GPSM2: variants seen among roughly 807,000 people sequenced by gnomAD.
GPSM2 encodes G protein signaling modulator 2, also known as G protein-signaling modulator 2.
A neutral mutation model predicts 78.4 loss-of-function variants in GPSM2; 58 were observed. The observed-to-expected ratio is 0.74, with a 90% CI of 0.60 to 0.92. The LOEUF (loss-of-function observed/expected upper bound fraction) is 0.92. Ranked by LOEUF, GPSM2 falls within the 40% of genes least tolerant of loss-of-function variation. The pLI is 0.00. For missense variants in GPSM2, 700 were observed against 815.5 expected (o/e 0.86, Z 1.73); for synonymous variants, 224 against 280.2 (o/e 0.80, Z 2.00).
At chr1:108,915,938 G>A (rs1650186044) in intron 11 of GPSM2, among the ~76,000 whole-genome samples, 3 of 151,746 alleles carry the variant, frequency 2.0e-5, no homozygotes, top group African/African-American at 7.3e-5. Flanking sequence ...AATATGTGGT[G>A]ATCTATCAAG....
At chr1:108,895,652 C>T (rs1253958944) in intron 2 of GPSM2, among the ~76,000 whole-genome samples, 1 of 152,138 alleles carries the variant, frequency 6.6e-6, no homozygotes, top group African/African-American at 2.4e-5. Flanking sequence ...TGATCTGTCA[C>T]TGTCTCCAGT....
At chr1:108,893,634 T>C (rs1401696093) in intron 2 of GPSM2, among the ~76,000 whole-genome samples, 1 of 152,240 alleles carries the variant, frequency 6.6e-6, no homozygotes, top group Non-Finnish European at 1.5e-5. Context: ...AAAAGAATTA[T>C]TTTACAAATA....
At chr1:108,913,354 A>C (rs538574782) in intron 10 of GPSM2, among the ~76,000 whole-genome samples, 2 of 152,260 alleles carry the variant, frequency 1.3e-5, no homozygotes, top group East Asian at 3.9e-4. Flanking sequence ...TTCCTAGTCC[A>C]CTCTACAGTC....
intron 10 of GPSM2, among the ~76,000 whole-genome samples, 155 bp downstream of exon 10, chr1:108,904,409 A>G (rs1570914841): frequency 6.7e-6 from 1 of 148,822 alleles, no homozygotes; most frequent in Non-Finnish European, 1.5e-5. Flanking sequence ...TTGTAAATAT[A>G]TATTACAATT....
intron 5 of GPSM2, 147 bp from the exon 6 acceptor site, chr1:108,898,495 C>T (rs899824047): frequency 1.5e-6 from 1 of 685,762 alleles, no homozygotes; most frequent in Non-Finnish European, 2.5e-6. Flanking sequence ...AATTGCTCTT[C>T]ATCATAGATG....
intron 2 of GPSM2, among the ~76,000 whole-genome samples, chr1:108,891,490 G>A (rs1007675926): frequency 6.6e-6 from 1 of 151,790 alleles, no homozygotes; most frequent in Non-Finnish European, 1.5e-5. Context: ...ATCTTAGAAG[G>A]TTATTTTTAT....
chr1:108,882,641 T>C (rs1647214705), intron 1 of GPSM2: 1 of 152,202 alleles, frequency 6.6e-6, no homozygotes, highest in Admixed American at 6.5e-5. Context: ...TTAATTCTAA[T>C]ACCTCTCTTT....
chr1:108,898,050 A>C lies in GPSM2; in HGVS notation c.506A>C (p.Glu169Ala). Reference sequence around the variant, plus strand: ...TGCCCTGGTCCCCAGGATGTAGGAGAATTTCCAGAAGAAGTGAGAGATGCT... The same window carrying C: ...TGCCCTGGTCCCCAGGATGTAGGAGCATTTCCAGAAGAAGTGAGAGATGCT... The part of the protein sequence containing the change: ...FGCPGPQDVG[E>A]FPEEVRDALQ... Residue 169 changes from glutamate to alanine, a missense_variant, in exon 5 of 15, where the codon GAA (glutamate) becomes GCA (alanine). By Grantham distance (107) the Glu-to-Ala change is moderately radical. Transcript: ENST00000264126. 1 of 1,614,110 alleles carries C rather than the reference A, an allele frequency of 6.2e-7. No individual in the cohort carries two copies. The highest frequency in any genetic ancestry group is 8.5e-7 in the Non-Finnish European group (1 of 1,179,962).
chr1:108,933,527 CA>C lies in GPSM2; in HGVS notation c.*3589del, dbSNP rs1467364732. The stretch of plus-strand genomic sequence containing the variant: ...TGCATTTCATATTAAAATAAAAAAG[CA>C]AGTGCTTGGGATACAAATATCTGCA... On this transcript the variant is annotated 3_prime_UTR_variant, in exon 15 of 15. Coordinates refer to ENST00000264126, the MANE Select transcript of GPSM2 (RefSeq NM_013296.5). The C allele has an allele frequency of 1.3e-5, 2 of 152,180 alleles. No homozygotes were observed. Among genetic ancestry groups the C allele is most frequent in the Admixed American group, 6.5e-5 (1 of 15,276 alleles). The allele number at this position is 152,180 out of a possible 1,614,324, so 9.4% of individuals were successfully genotyped here.
intron 11 of GPSM2, among the ~76,000 whole-genome samples, chr1:108,916,240 C>T (rs1412291533): frequency 1.3e-5 from 2 of 150,270 alleles, no homozygotes; most frequent in African/African-American, 4.9e-5. Flanking sequence ...GCCTGGGTGA[C>T]AGAGTGAGAC....
At chr1:108,889,392 G>A (rs1647801590) in intron 2 of GPSM2, among the ~76,000 whole-genome samples, 2 of 152,184 alleles carry the variant, frequency 1.3e-5, no homozygotes, top group Admixed American at 1.3e-4. Context: ...GTGGAATGTT[G>A]AGAAAGATAA....
chr1:108,911,512 G>A (rs1420693057), intron 10 of GPSM2, among the ~76,000 whole-genome samples: 1 of 152,042 alleles, frequency 6.6e-6, no homozygotes, highest in Non-Finnish European at 1.5e-5. Flanking sequence ...GGGCAACACA[G>A]CGAAACTCCA....
intron 7 of GPSM2, among the ~76,000 whole-genome samples, chr1:108,899,858 A>G (rs1259371714): frequency 1.3e-5 from 2 of 152,370 alleles, no homozygotes; most frequent in South Asian, 2.1e-4. Flanking sequence ...AAAAAAATTA[A>G]ATAGCATTCC....
At chr1:108,884,170 T>C (rs1647341986) in intron 1 of GPSM2, among the ~76,000 whole-genome samples, 1 of 152,158 alleles carries the variant, frequency 6.6e-6, no homozygotes, top group African/African-American at 2.4e-5. Context: ...CTTGAACTCC[T>C]GGCCTCAAGT....
At chr1:108,879,991 T>C (rs79451450) in intron 1 of GPSM2, among the ~76,000 whole-genome samples, 1,834 of 152,294 alleles carry the variant, frequency 0.012, 18 homozygotes, top group Middle Eastern at 0.031. Context: ...GCCATTCTTT[T>C]CCCTTGACTG....
intron 1 of GPSM2, among the ~76,000 whole-genome samples, chr1:108,884,743 A>T (rs1046021754): frequency 6.6e-6 from 1 of 152,226 alleles, no homozygotes; most frequent in Non-Finnish European, 1.5e-5. Context: ...TACCATATAC[A>T]TATTTCCCAA....
intron 1 of GPSM2, among the ~76,000 whole-genome samples, chr1:108,882,110 C>T (rs1665929388): frequency 6.6e-6 from 1 of 152,230 alleles, no homozygotes; most frequent in Admixed American, 6.5e-5. Context: ...GGCCACCACA[C>T]CTGGCTGATT....
intron 10 of GPSM2, 66 bp downstream of exon 10, chr1:108,904,320 A>C: frequency 9.5e-7 from 1 of 1,051,110 alleles, no homozygotes; most frequent in Non-Finnish European, 1.5e-6. Flanking sequence ...GTTATTTATC[A>C]CAAATTTGGC....
At position 108,897,068 on chromosome 1, in the gene GPSM2, T is replaced by C; in HGVS notation, c.261T>C (p.His87=). 4 of 1,604,402 alleles carry C rather than the reference T, an allele frequency of 2.5e-6. No homozygotes were observed. The South Asian group carries it at 4.4e-5, about 18-fold the overall frequency. ...DYAKALEYHH[H]DLTLARTIGD... ...CCAAAGCATTAGAATATCACCATCA[T>C]GATTTAACCCTTGCAAGGTAATTAA... is the stretch of plus-strand genomic sequence containing the variant. Residue 87 remains histidine, a synonymous_variant, in exon 3 of 15, where the codon CAT becomes CAC. Coordinates refer to ENST00000264126, the MANE Select transcript of GPSM2 (RefSeq NM_013296.5).
Sources: allele counts gnomAD v4.1 joint callset (sites outside exome capture counted in the v4.1 genomes callset), GRCh38; gene constraint gnomAD v4.1.1; transcripts MANE v1.5; gene names NCBI Gene and HGNC (gene_info 2026-07-23, HGNC 2026-07-21).